The following OARD1 variants were observed in gnomAD, a reference collection of about 807,000 sequenced individuals.
OARD1 encodes the protein O-acyl-ADP-ribose deacylase 1.
In OARD1, 19 loss-of-function variants were observed where a neutral mutation model predicts 19.7. That is an observed-to-expected ratio of 0.96 (90% CI 0.67 to 1.41). The LOEUF (loss-of-function observed/expected upper bound fraction) is 1.41, where lower values mean the gene tolerates loss of function less well. Ranked by LOEUF, OARD1 falls within the 40% of genes most tolerant of loss-of-function variation. The pLI is 0.00. For synonymous variants in OARD1, 70 were observed against 61.8 expected (o/e 1.13, Z -0.62); for missense variants, 190 against 183.8 (o/e 1.03, Z -0.20).
At chr6:41,074,931 G>A (rs1162704365), upstream of OARD1, among the ~76,000 whole-genome samples, 1 of 151,532 alleles carries the variant, frequency 6.6e-6, no homozygotes, top group African/African-American at 2.4e-5. Context: ...GCACATAAAG[G>A]TCTTAAGTAT....
In OARD1 at chr6:41,071,580, AAT is replaced by A; in HGVS notation, c.39+14_39+15del. The A allele has an allele frequency of 6.2e-7, 1 of 1,605,362 alleles. No individual in the cohort carries two copies. The highest frequency in any genetic ancestry group is 8.5e-7 in the Non-Finnish European group (1 of 1,171,922). ...ACGAATTTCAGTTCACCAATAAGTC[AAT>A]AGTTGTTACGCACTCTGCTTCCTTC... On this transcript the variant is annotated intron_variant, in intron 2 of 5. Coordinates refer to ENST00000424266, the MANE Select transcript of OARD1 (RefSeq NM_001329686.2).
At position 41,093,157 on chromosome 6, in the gene OARD1, T is replaced by C. The variant is rs931925807; in HGVS notation, c.-42+4556A>G. Reference sequence around the variant, plus strand: ...TCTACTTTTGAAATTATCTTTTATATGGCTTGTTTTCTCACGTACCTTCCA... The same window carrying C: ...TCTACTTTTGAAATTATCTTTTATACGGCTTGTTTTCTCACGTACCTTCCA... On this transcript the variant is annotated intron_variant, in intron 1 of 4. Coordinates refer to the OARD1 transcript ENST00000480585. 3 of 1,390,526 alleles carry C rather than the reference T, an allele frequency of 2.2e-6. No homozygotes were observed. In the African/African-American group the frequency reaches 4.3e-5, roughly 20 times the overall value. 86.1% of individuals were successfully genotyped at this position (1,390,526 alleles called of 1,614,324 possible). A position where few individuals can be genotyped will look rare whatever the true frequency, so the allele number is the denominator to read the frequency against.
chr6:41,076,548 G>C (rs1400484986), upstream of OARD1, among the ~76,000 whole-genome samples: 1 of 152,154 alleles, frequency 6.6e-6, no homozygotes. Flanking sequence ...TGGGTTCCTA[G>C]TAAGTGGTTG....
chr6:41,078,235 C>T (rs913119514), intron 1 of OARD1, among the ~76,000 whole-genome samples: 1 of 152,154 alleles, frequency 6.6e-6, no homozygotes, highest in Non-Finnish European at 1.5e-5. Context: ...ATTTTGGTTT[C>T]TTCTTTCACA....
chr6:41,086,006 A>G (rs1389268224), intron 1 of OARD1, among the ~76,000 whole-genome samples: 5 of 152,230 alleles, frequency 3.3e-5, no homozygotes, highest in East Asian at 1.9e-4. Flanking sequence ...GATTAAAAAT[A>G]GTTTTCACAT....
At chr6:41,097,482 A>G (rs113565883) in intron 1 of OARD1, 7 of 1,490,650 alleles carry the variant, frequency 4.7e-6, no homozygotes, top group South Asian at 1.1e-5. Flanking sequence ...AACTCTTCCA[A>G]TGGGACATTG....
At position 41,071,116 on chromosome 6, in the gene OARD1, G is replaced by A. The variant is rs759380374; in HGVS notation, c.184+16C>T. The A allele has an allele frequency of 1.2e-6, 2 of 1,613,654 alleles. No individual in the cohort carries two copies. Among genetic ancestry groups the A allele is most frequent in the African/African-American group, 2.7e-5 (2 of 74,910 alleles). ...TCTAGCCAGGGCAAACCAGGTAAGT[G>A]GTTTCCAAAACTCACGTTGATTTAA... is the stretch of plus-strand genomic sequence containing the variant. On this transcript the variant is annotated intron_variant, in intron 3 of 5. Coordinates refer to ENST00000424266, the MANE Select transcript of OARD1 (RefSeq NM_001329686.2).
At chr6:41,081,769 T>C (rs9381034) in intron 1 of OARD1, among the ~76,000 whole-genome samples, 24,916 of 152,238 alleles carry the variant, frequency 0.16, 2,612 homozygotes, top group South Asian at 0.28. Context: ...ACCTGTCTTA[T>C]TACTAGATCT....
chr6:41,094,637 T>C (rs1420310388), intron 1 of OARD1: 2 of 608,656 alleles, frequency 3.3e-6, no homozygotes, highest in East Asian at 5.8e-5. Flanking sequence ...TTATGTCTCT[T>C]TAGATTATCT....
chr6:41,085,244 A>C (rs1156928537), intron 1 of OARD1, among the ~76,000 whole-genome samples: 1 of 152,240 alleles, frequency 6.6e-6, no homozygotes, highest in Non-Finnish European at 1.5e-5. Context: ...GAAAAGCATC[A>C]ATAGTAGGGG....
In OARD1 at chr6:41,070,945, A is replaced by G. The variant is rs1191268845; in HGVS notation, c.184+187T>C. On this transcript the variant is annotated intron_variant, in intron 3 of 5. Transcript: ENST00000424266. ...TTCATGATACAAGAGGAAGAGATTA[A>G]AAACCTTCACAGGAGTTGGGTTTTG... The G allele has an allele frequency of 2.1e-5, 13 of 632,366 alleles. No individual in the cohort carries two copies. In the Admixed American group the frequency reaches 3.7e-4, roughly 18 times the overall value. 39.2% of individuals were successfully genotyped at this position (632,366 alleles called of 1,614,324 possible).
chr6:41,075,166 T>C (rs890618796), upstream of OARD1: 4 of 152,306 alleles, frequency 2.6e-5, no homozygotes, highest in African/African-American at 9.6e-5. Flanking sequence ...CTAAAAAACA[T>C]GTATATTTGC....
At chr6:41,070,849 C>A in intron 3 of OARD1, 6 of 576,256 alleles carry the variant, frequency 1.0e-5, no homozygotes, top group Admixed American at 3.3e-5. Context: ...ATCTTGAATG[C>A]CAACCTATAG....
At chr6:41,090,272 T>C (rs766811107) in intron 1 of OARD1, 4 of 1,613,934 alleles carry the variant, frequency 2.5e-6, no homozygotes, top group Non-Finnish European at 3.4e-6. Flanking sequence ...CCATCGTCTA[T>C]CAACCAGTTA....
chr6:41,073,880 A>G (rs948269290), upstream of OARD1, among the ~76,000 whole-genome samples: 2 of 151,992 alleles, frequency 1.3e-5, no homozygotes, highest in African/African-American at 2.4e-5. Flanking sequence ...CCCCGTTCGC[A>G]GTGGCAGGAC....
chr6:41,069,881 T>C, intron 4 of OARD1, 195 bp downstream of exon 4: 1 of 644,622 alleles, frequency 1.6e-6, no homozygotes. Flanking sequence ...CTCACATTTC[T>C]TTCTAACCCA....
intron 1 of OARD1, chr6:41,084,058 C>T: frequency 3.1e-6 from 5 of 1,606,088 alleles, no homozygotes; most frequent in Non-Finnish European, 4.2e-6. Flanking sequence ...CCAAGGGCAG[C>T]CATTAATGGT....
intron 2 of OARD1, 156 bp downstream of exon 2, chr6:41,071,440 G>T: frequency 1.0e-6 from 1 of 965,898 alleles, no homozygotes; most frequent in Non-Finnish European, 1.6e-6. Context: ...GAAAGTAATG[G>T]ATGATCCCTG....
chr6:41,089,869 C>T (rs906527405), intron 1 of OARD1, among the ~76,000 whole-genome samples: 1 of 152,088 alleles, frequency 6.6e-6, no homozygotes, highest in Non-Finnish European at 1.5e-5. Context: ...CCTGTAATCC[C>T]AGCACTTTGA....
Sources: allele counts gnomAD v4.1 joint callset (sites outside exome capture counted in the v4.1 genomes callset), GRCh38; gene constraint gnomAD v4.1.1; transcripts MANE v1.5; gene names NCBI Gene and HGNC (gene_info 2026-07-23, HGNC 2026-07-21).